SYNE2: variants seen among roughly 807,000 people sequenced by gnomAD.
SYNE2 encodes the protein spectrin repeat containing nuclear envelope protein 2, also known as nesprin-2.
In SYNE2, 431 loss-of-function variants were observed where a neutral mutation model predicts 856.3. That is an observed-to-expected ratio of 0.50 (90% CI 0.47 to 0.55). SYNE2 has a LOEUF of 0.55. Ranked by LOEUF, SYNE2 falls within the 20% of genes least tolerant of loss-of-function variation. SYNE2 has a pLI of 0.00. For synonymous variants in SYNE2, 2,923 were observed against 2,872.3 expected (o/e 1.02, Z -0.56); for missense variants, 8,129 against 8,023.2 (o/e 1.01, Z -0.50).
chr14:64,159,220 T>C, intron 86 of SYNE2, 92 bp from the exon 87 acceptor site: 1 of 1,521,170 alleles, frequency 6.6e-7, no homozygotes, highest in Non-Finnish European at 9.1e-7. Context: ...TGAGTGTTAT[T>C]GCTACATAGT....
intron 55 of SYNE2, among the ~76,000 whole-genome samples, chr14:64,079,653 A>T (rs1295378841): frequency 6.6e-6 from 1 of 152,192 alleles, no homozygotes; most frequent in Non-Finnish European, 1.5e-5. Context: ...CTCCTAATAC[A>T]TGTTTCTAGA....
At chr14:63,979,450 T>A (rs576350406) in intron 14 of SYNE2, among the ~76,000 whole-genome samples, 1 of 152,384 alleles carries the variant, frequency 6.6e-6, no homozygotes, top group African/African-American at 2.4e-5. Context: ...TTTTCTCTTT[T>A]GTCATGAGGC....
chr14:64,204,799 C>G (rs2098597270), intron 100 of SYNE2, among the ~76,000 whole-genome samples: 1 of 152,166 alleles, frequency 6.6e-6, no homozygotes, highest in Admixed American at 6.5e-5. Context: ...GATTTAGCAG[C>G]TTAAAAACGC....
At chr14:63,954,584 A>G in intron 7 of SYNE2, 135 bp from the exon 8 acceptor site, 1 of 722,540 alleles carries the variant, frequency 1.4e-6, no homozygotes, top group South Asian at 1.8e-5. Context: ...TTTGGTCACA[A>G]GATAAAAAAT....
At chr14:64,063,222 A>G (rs1481109536) in intron 50 of SYNE2, among the ~76,000 whole-genome samples, 1 of 151,990 alleles carries the variant, frequency 6.6e-6, no homozygotes, top group African/African-American at 2.4e-5. Flanking sequence ...TGATTTTTGT[A>G]TTTTTAGTAG....
At chr14:64,181,826 C>T (rs2098459535) in intron 96 of SYNE2, among the ~76,000 whole-genome samples, 2 of 152,184 alleles carry the variant, frequency 1.3e-5, no homozygotes, top group Non-Finnish European at 2.9e-5. Context: ...ATATGTTTTA[C>T]ATATATTCTA....
At chr14:64,045,074 C>T (rs1268253770) in intron 45 of SYNE2, among the ~76,000 whole-genome samples, 1 of 152,152 alleles carries the variant, frequency 6.6e-6, no homozygotes, top group East Asian at 1.9e-4. Context: ...ATTCCAGGAG[C>T]TTATCAGGAC....
chr14:64,170,589 A>G, intron 94 of SYNE2, 127 bp downstream of exon 94: 1 of 952,472 alleles, frequency 1.0e-6, no homozygotes, highest in South Asian at 1.4e-5. Flanking sequence ...GTGTGAGGCC[A>G]GCAAGGTGCA....
At chr14:64,222,037 T>G (rs539264283) in intron 112 of SYNE2, among the ~76,000 whole-genome samples, 2 of 152,380 alleles carry the variant, frequency 1.3e-5, no homozygotes, top group Admixed American at 1.3e-4. Context: ...GGTGCTCATT[T>G]GCTTCACACC....
Position 64,100,525 on chromosome 14 carries a change from AAAAAAAATATATAT to A in SYNE2, c.12382-1405_12382-1392del, listed in dbSNP as rs1177114379. 2.6e-3 allele frequency among the ~76,000 whole-genome samples: 182 copies of A among 70,108 alleles called. 13 individuals are homozygous for A. The East Asian group carries it at 0.055, about 21-fold the overall frequency. 46.0% of individuals were successfully genotyped at this position (70,108 alleles called of 152,430 possible). ...GAGCAAAACTGTCTCAAAAAAAAAA[AAAAAAAATATATAT>A]ATATATATATATATATATATATATA... On this transcript the variant is annotated intron_variant, in intron 63 of 115. Coordinates refer to ENST00000555002, the MANE Select transcript of SYNE2 (RefSeq NM_182914.3).
At chr14:63,926,762 G>A (rs558916984) in intron 2 of SYNE2, among the ~76,000 whole-genome samples, 31 of 152,322 alleles carry the variant, frequency 2.0e-4, no homozygotes, top group African/African-American at 7.0e-4. Flanking sequence ...TCCCACACAA[G>A]TAGTCTGTCT....
At chr14:63,892,989 A>G (rs1030202695) in intron 1 of SYNE2, among the ~76,000 whole-genome samples, 2 of 152,212 alleles carry the variant, frequency 1.3e-5, no homozygotes, top group Non-Finnish European at 2.9e-5. Flanking sequence ...AAAACAAAAC[A>G]TAATACAAAG....
chr14:63,957,378 C>T (rs2153440484), intron 8 of SYNE2, among the ~76,000 whole-genome samples: 1 of 150,222 alleles, frequency 6.7e-6, no homozygotes, highest in South Asian at 2.1e-4. Context: ...AAGTGATTCT[C>T]CTGCCTCAGC....
intron 1 of SYNE2, among the ~76,000 whole-genome samples, chr14:63,819,662 A>G (rs1034952807): frequency 1.1e-4 from 16 of 150,020 alleles, no homozygotes; most frequent in Non-Finnish European, 2.4e-4. Flanking sequence ...TCAGCCTCCC[A>G]AGTAGCTGGG....
intron 88 of SYNE2, 162 bp downstream of exon 88, chr14:64,162,438 G>T: frequency 2.6e-6 from 2 of 764,092 alleles, no homozygotes; most frequent in Non-Finnish European, 2.2e-6. Context: ...GGAGGACCAG[G>T]TGGTGGCTCA....
chr14:64,158,554 A>C, intron 85 of SYNE2, 71 bp from the exon 86 acceptor site: 1 of 1,533,018 alleles, frequency 6.5e-7, no homozygotes, highest in Non-Finnish European at 9.0e-7. Flanking sequence ...ATTGGACACA[A>C]TGGTAGATCT....
intron 99 of SYNE2, among the ~76,000 whole-genome samples, chr14:64,191,395 T>C (rs1050553052): frequency 6.6e-6 from 1 of 152,110 alleles, no homozygotes; most frequent in African/African-American, 2.4e-5. Flanking sequence ...TCAGATCCCA[T>C]CTTCCTGGGA....
chr14:63,849,011 G>A (rs1448024872), upstream of SYNE2, among the ~76,000 whole-genome samples: 3 of 152,164 alleles, frequency 2.0e-5, no homozygotes, highest in African/African-American at 7.2e-5. Context: ...TTAGTCAAGG[G>A]AGCAATTAGC....
chr14:64,021,326 C>A lies in SYNE2; in HGVS notation c.5163C>A (p.Ser1721=). 1 of 1,613,652 alleles carries A rather than the reference C, an allele frequency of 6.2e-7. No homozygotes were observed. The part of the protein sequence containing the change: ...EIPLELQVME[S]SILNKMEHVQ... ...TTTCATGATTTCAGGTCATGGAGTC[C>A]TCTATTTTGAACAAGATGGAACATG... The change falls in exon 36 of 116, where the codon TCC becomes TCA. Residue 1721 remains serine (S), a synonymous_variant. Coordinates refer to ENST00000555002, the MANE Select transcript of SYNE2 (RefSeq NM_182914.3).
Sources: gnomAD v4.1 joint callset for allele counts (sites outside exome capture counted in the v4.1 genomes callset) on GRCh38, gnomAD v4.1.1 for gene constraint, MANE v1.5 for transcripts, NCBI Gene and HGNC (gene_info 2026-07-23, HGNC 2026-07-21) for gene names.